SORCS1: variants seen among roughly 807,000 people sequenced by gnomAD.
SORCS1 encodes the protein sortilin related VPS10 domain containing receptor 1.
Under a neutral mutation model 146.1 loss-of-function variants are expected in SORCS1, and 60 were observed. The observed-to-expected ratio is 0.41, with a 90% CI of 0.33 to 0.51. The LOEUF is 0.51. Among genes scored for constraint, SORCS1 ranks in the 20% least tolerant of loss-of-function variants. The probability of loss-of-function intolerance (pLI) is 0.21; values close to 1 mark genes in which losing one functional copy is unlikely to be tolerated. For missense variants in SORCS1, 1,352 were observed against 1,487.6 expected, an observed-to-expected ratio of 0.91 and a Z score of 1.50; for synonymous variants, 637 against 584.0, an observed-to-expected ratio of 1.09 and a Z score of -1.31.
intron 5 of SORCS1, among the ~76,000 whole-genome samples, chr10:106,750,561 C>CT (rs1160594521): frequency 6.8e-6 from 1 of 147,922 alleles, no homozygotes; most frequent in African/African-American, 2.5e-5. Flanking sequence ...AACCCCGTCT[C>CT]TATTAAAAAT....
At chr10:106,682,873 C>T (rs1174302636) in intron 10 of SORCS1, among the ~76,000 whole-genome samples, 1 of 152,178 alleles carries the variant, frequency 6.6e-6, no homozygotes, top group Non-Finnish European at 1.5e-5. Context: ...ACACCCAAAC[C>T]ACCAATGCCA....
chr10:106,673,040 TAAC>T, intron 14 of SORCS1, 55 bp from the exon 15 acceptor site: 3 of 1,419,858 alleles, frequency 2.1e-6, no homozygotes, highest in Admixed American at 1.8e-5. Flanking sequence ...TAATGAGTAA[TAAC>T]AACAGAGAGC....
At chr10:107,019,831 T>A (rs1158994646) in intron 1 of SORCS1, among the ~76,000 whole-genome samples, 2 of 152,196 alleles carry the variant, frequency 1.3e-5, no homozygotes, top group African/African-American at 2.4e-5. Context: ...ACTTACAATC[T>A]ACTTAGGGAG....
intron 1 of SORCS1, among the ~76,000 whole-genome samples, chr10:107,065,084 A>C (rs1961613741): frequency 6.6e-6 from 1 of 152,162 alleles, no homozygotes; most frequent in Non-Finnish European, 1.5e-5. Context: ...TAATTGACTG[A>C]CAGGTTGTTG....
chr10:106,867,734 C>T (rs1950272824), intron 2 of SORCS1, among the ~76,000 whole-genome samples: 1 of 152,172 alleles, frequency 6.6e-6, no homozygotes, highest in Non-Finnish European at 1.5e-5. Context: ...GGAAATACCA[C>T]TACCAGCTAA....
chr10:107,019,475 C>A (rs948094073), intron 1 of SORCS1, among the ~76,000 whole-genome samples: 1 of 152,066 alleles, frequency 6.6e-6, no homozygotes, highest in African/African-American at 2.4e-5. Flanking sequence ...TTTTTAAAAG[C>A]TCGTCTAAAT....
chr10:106,718,836 A>G (rs9630077), intron 6 of SORCS1, among the ~76,000 whole-genome samples: 177 of 141,356 alleles, frequency 1.3e-3, no homozygotes, highest in African/African-American at 5.0e-3. Context: ...ACAAACCTTT[A>G]GCTAGACACA....
chr10:106,690,904 CCACCTT>C (rs1853247472), intron 9 of SORCS1, among the ~76,000 whole-genome samples: 1 of 152,104 alleles, frequency 6.6e-6, no homozygotes, highest in South Asian at 2.1e-4. Flanking sequence ...CACGCACAAG[CCACCTT>C]CTTCCAGTAC....
intron 5 of SORCS1, among the ~76,000 whole-genome samples, chr10:106,735,900 A>T (rs1230349416): frequency 6.6e-6 from 1 of 152,226 alleles, no homozygotes; most frequent in East Asian, 1.9e-4. Flanking sequence ...TGCACAGGTC[A>T]TCTAGATGAG....
At chr10:107,108,345 G>A (rs1249913738) in intron 1 of SORCS1, among the ~76,000 whole-genome samples, 1 of 152,150 alleles carries the variant, frequency 6.6e-6, no homozygotes, top group African/African-American at 2.4e-5. Flanking sequence ...CATGGTGCTG[G>A]CATCTGCTTG....
chr10:107,099,417 C>G (rs1297567154), intron 1 of SORCS1, among the ~76,000 whole-genome samples: 1 of 152,134 alleles, frequency 6.6e-6, no homozygotes, highest in African/African-American at 2.4e-5. Flanking sequence ...AACAGTTAAA[C>G]AAGATTCCCT....
intron 1 of SORCS1, among the ~76,000 whole-genome samples, chr10:107,088,407 G>A (rs1227418058): frequency 1.3e-5 from 2 of 152,176 alleles, no homozygotes; most frequent in East Asian, 3.9e-4. Context: ...GCATCTGAAG[G>A]CAGGCCCTGG....
intron 24 of SORCS1, among the ~76,000 whole-genome samples, chr10:106,587,440 T>C (rs1845308514): frequency 6.6e-6 from 1 of 152,246 alleles, no homozygotes. Context: ...TATATTGTAG[T>C]TTCTAAAACT....
chr10:106,698,640 C>CTTGA (rs1853890128), intron 9 of SORCS1, among the ~76,000 whole-genome samples: 1 of 152,284 alleles, frequency 6.6e-6, no homozygotes, highest in African/African-American at 2.4e-5. Context: ...CTGCTAAGCT[C>CTTGA]TGTTCTTGAT....
rs572295853 is a variant in SORCS1 at position 106,750,728 on chromosome 10, C to CAA, written c.959+10858_959+10859dup. Among the ~76,000 whole-genome samples the CAA allele has an allele frequency of 2.3e-3, 55 of 24,028 alleles. 7 individuals carry two copies. Among genetic ancestry groups the CAA allele is most frequent in the Non-Finnish European group, 2.9e-3 (40 of 13,670 alleles). 15.8% of individuals were successfully genotyped at this position (24,028 alleles called of 152,430 possible). A position where few individuals can be genotyped will look rare whatever the true frequency, so the allele number is the denominator to read the frequency against. ...TGGGCGACAGGGTGAGACTCCCTCTCAAAAAAAAAAAAAAAAAAAAAAAAA... is the reference window on the plus strand; with the variant it reads ...TGGGCGACAGGGTGAGACTCCCTCTCAAAAAAAAAAAAAAAAAAAAAAAAAAA... On this transcript the variant is annotated intron_variant, in intron 5 of 25. Coordinates refer to ENST00000263054, the MANE Select transcript of SORCS1 (RefSeq NM_052918.5).
At chr10:106,898,684 GAC>G (rs1951583114) in intron 2 of SORCS1, among the ~76,000 whole-genome samples, 1 of 152,158 alleles carries the variant, frequency 6.6e-6, no homozygotes, top group Admixed American at 6.5e-5. Flanking sequence ...GGGAGTGGAA[GAC>G]ACAGGGCTGC....
intron 6 of SORCS1, among the ~76,000 whole-genome samples, chr10:106,728,969 T>C (rs561622712): frequency 3.9e-5 from 6 of 152,256 alleles, no homozygotes; most frequent in African/African-American, 1.4e-4. Context: ...CTATATACAG[T>C]TTCCCCCTTT....
intron 22 of SORCS1, 51 bp downstream of exon 22, chr10:106,611,860 A>G (rs1161677455): frequency 1.5e-6 from 2 of 1,362,718 alleles, no homozygotes; most frequent in Non-Finnish European, 1.0e-6. Flanking sequence ...AAATTCTTCA[A>G]GGACAGAGAG....
In SORCS1 at chr10:106,862,672, G is replaced by A. The variant is rs554411382; in HGVS notation, c.627-32999C>T. Among the ~76,000 whole-genome samples the A allele has an allele frequency of 4.2e-4, 64 of 151,480 alleles. No individual in the cohort carries two copies. In the South Asian group the frequency reaches 0.012, roughly 28 times the overall value. On this transcript the variant is annotated intron_variant, in intron 2 of 25. Transcript: ENST00000263054. ...CATATAATAAAAAGTTTGGCTGGGC[G>A]CGGTGGCTCGCGCCTGTAATCCCAG... is the stretch of plus-strand genomic sequence containing the variant.
Sources: gnomAD v4.1 joint callset for allele counts (sites outside exome capture counted in the v4.1 genomes callset) on GRCh38, gnomAD v4.1.1 for gene constraint, MANE v1.5 for transcripts, NCBI Gene and HGNC (gene_info 2026-07-23, HGNC 2026-07-21) for gene names.